Variants in TMEM117 observed in about 807,000 individuals in gnomAD.
TMEM117 encodes the protein transmembrane protein 117.
Under a neutral mutation model 52.4 loss-of-function variants are expected in TMEM117, and 27 were observed. The observed-to-expected ratio is 0.51, with a 90% CI of 0.38 to 0.71. The LOEUF (loss-of-function observed/expected upper bound fraction) is 0.71, where lower values mean the gene tolerates loss of function less well. TMEM117 is among the 30% of genes least tolerant of loss of function. The pLI is 0.00. For missense variants in TMEM117, 556 were observed against 630.5 expected (o/e 0.88, Z 1.26); for synonymous variants, 215 against 206.3 (o/e 1.04, Z -0.36).
At position 44,196,796 on chromosome 12, in the gene TMEM117, A is replaced by C. The variant is rs897126660; in HGVS notation, c.511-14494A>C. Among the ~76,000 whole-genome samples, 13 of 152,342 alleles carry C rather than the reference A, an allele frequency of 8.5e-5. No individual in the cohort carries two copies. The South Asian group carries it at 2.1e-3, about 24-fold the overall frequency. On this transcript the variant is annotated intron_variant, in intron 4 of 7. Coordinates refer to ENST00000266534, the MANE Select transcript of TMEM117 (RefSeq NM_032256.3). ...GCTTTCAAGCAACAATAAAATATAG[A>C]AGCAGTGCTTACTCAAACTTACAAA...
chr12:44,150,961 A>C (rs1948713137), intron 4 of TMEM117, among the ~76,000 whole-genome samples: 1 of 152,174 alleles, frequency 6.6e-6, no homozygotes, highest in Admixed American at 6.6e-5. Context: ...TGCCCATCAA[A>C]ATATCAAATA....
chr12:43,888,582 C>CT (rs1944043138), intron 2 of TMEM117, among the ~76,000 whole-genome samples: 1 of 133,082 alleles, frequency 7.5e-6, no homozygotes, highest in Non-Finnish European at 1.5e-5. Flanking sequence ...GAGTCTTGCT[C>CT]TATCACCCAG....
chr12:43,805,939 C>A, the TMEM117 span: 2 of 1,529,386 alleles, frequency 1.3e-6, no homozygotes, highest in East Asian at 2.6e-5. Flanking sequence ...GTGGAAGGCA[C>A]GCCCCCTTCA....
At chr12:44,384,091 C>T (rs1952056736) in intron 7 of TMEM117, among the ~76,000 whole-genome samples, 1 of 152,100 alleles carries the variant, frequency 6.6e-6, no homozygotes, top group East Asian at 1.9e-4. Context: ...TCTGCTTTGC[C>T]ACATCTGATA....
At chr12:44,279,144 A>G (rs1950548990) in intron 5 of TMEM117, among the ~76,000 whole-genome samples, 1 of 152,240 alleles carries the variant, frequency 6.6e-6, no homozygotes, top group African/African-American at 2.4e-5. Context: ...TAAGGAAATG[A>G]TAAAGTCAAA....
intron 2 of TMEM117, among the ~76,000 whole-genome samples, chr12:43,885,957 A>T (rs1943986183): frequency 6.6e-6 from 1 of 152,212 alleles, no homozygotes; most frequent in South Asian, 2.1e-4. Context: ...GAGCACAGAT[A>T]ATTACAACTA....
intron 4 of TMEM117, among the ~76,000 whole-genome samples, chr12:44,173,869 A>T (rs973487022): frequency 7.2e-5 from 11 of 152,054 alleles, no homozygotes. Flanking sequence ...TTTTCTTTAC[A>T]CTTAAATACC....
chr12:44,201,719 C>T (rs574522192), intron 4 of TMEM117, among the ~76,000 whole-genome samples: 56 of 152,256 alleles, frequency 3.7e-4, no homozygotes, highest in African/African-American at 1.3e-3. Context: ...TAATTTTAAA[C>T]TCAGCCTAAT....
rs151213535 is a variant in TMEM117 at position 43,920,313 on chromosome 12, C to G, written c.278-23897C>G. The stretch of plus-strand genomic sequence containing the variant: ...TGCCGAGGCGGGCGGATCACGAGGT[C>G]AGAAGATCAAGACCACGGTGAAACC... On this transcript the variant is annotated intron_variant, in intron 2 of 7. Coordinates refer to ENST00000266534, the MANE Select transcript of TMEM117 (RefSeq NM_032256.3). 7.0e-3 allele frequency among the ~76,000 whole-genome samples: 1,063 copies of G among 152,164 alleles called. 10 individuals are homozygous for G. The highest frequency in any genetic ancestry group is 0.023 in the African/African-American group (959 of 41,530).
At chr12:43,933,922 A>G (rs1437052974) in intron 2 of TMEM117, among the ~76,000 whole-genome samples, 1 of 152,228 alleles carries the variant, frequency 6.6e-6, no homozygotes, top group Admixed American at 6.5e-5. Context: ...TTTTACTTGA[A>G]TTATAAAAAT....
intron 7 of TMEM117, among the ~76,000 whole-genome samples, chr12:44,383,927 C>T (rs1048844107): frequency 6.6e-6 from 1 of 152,032 alleles, no homozygotes; most frequent in African/African-American, 2.4e-5. Context: ...TTTTCTGGCC[C>T]AGCATAAAAC....
At chr12:44,325,475 T>C (rs928790052) in intron 6 of TMEM117, among the ~76,000 whole-genome samples, 49 of 151,418 alleles carry the variant, frequency 3.2e-4, no homozygotes, top group Admixed American at 2.6e-4. Context: ...GGAGATATTT[T>C]TTCTCAACTA....
chr12:44,050,780 C>A (rs1444913134), intron 3 of TMEM117, among the ~76,000 whole-genome samples: 1 of 152,176 alleles, frequency 6.6e-6, no homozygotes, highest in Non-Finnish European at 1.5e-5. Context: ...TGTCTGTCAA[C>A]TTTTGTTTCA....
chr12:44,128,625 G>T (rs1948365663), intron 3 of TMEM117, among the ~76,000 whole-genome samples: 1 of 152,086 alleles, frequency 6.6e-6, no homozygotes, highest in Non-Finnish European at 1.5e-5. Flanking sequence ...TTCAGGGCTG[G>T]GTATGCTCCT....
chr12:44,327,300 T>G (rs1951209185), intron 6 of TMEM117, among the ~76,000 whole-genome samples: 1 of 152,204 alleles, frequency 6.6e-6, no homozygotes, highest in Non-Finnish European at 1.5e-5. Context: ...TAAAACTATC[T>G]TTGGTAATAC....
At position 44,001,212 on chromosome 12, in the gene TMEM117, T is replaced by C. The variant is rs539844549; in HGVS notation, c.410+56870T>C. Among the ~76,000 whole-genome samples, 24 of 152,306 alleles carry C rather than the reference T, an allele frequency of 1.6e-4. No individual in the cohort carries two copies. The South Asian group carries it at 4.6e-3, about 29-fold the overall frequency. Reference sequence around the variant, plus strand: ...CAATTGGATGAAAATAAGGTACATATTAAGTTCACATTTAACCCTAAAATG... The same window carrying C: ...CAATTGGATGAAAATAAGGTACATACTAAGTTCACATTTAACCCTAAAATG... On this transcript the variant is annotated intron_variant, in intron 3 of 7. Transcript: ENST00000266534.
rs776458183 is a variant in TMEM117 at position 43,944,315 on chromosome 12, C to T, written c.383C>T (p.Thr128Met). 2.7e-5 allele frequency: 43 copies of T among 1,612,212 alleles called. No individual in the cohort carries two copies. Among genetic ancestry groups the T allele is most frequent in the Admixed American group, 5.0e-5 (3 of 59,918 alleles). ...TTCATATTTTCTCACATATACAACA[C>T]GATTCTTCTAATGGATGGGAACATG... ...FLFIFSHIYN[T>M]ILLMDGNMGA... The change falls in exon 3 of 8, where the codon ACG (threonine) becomes ATG (methionine). Residue 128 changes from threonine (T) to methionine (M), a missense_variant. Physicochemically the swap from Thr to Met is moderately conservative, Grantham distance 81. This residue lies in a region of TMEM117 where 328 missense variants were observed against 371.4 expected (regional missense o/e 0.88). Coordinates refer to ENST00000266534, the MANE Select transcript of TMEM117 (RefSeq NM_032256.3).
chr12:44,099,199 A>G (rs1349736363), intron 3 of TMEM117, among the ~76,000 whole-genome samples: 5 of 152,076 alleles, frequency 3.3e-5, no homozygotes, highest in Admixed American at 6.6e-5. Context: ...CTTTAACAAA[A>G]TAGCAACCTC....
intron 2 of TMEM117, among the ~76,000 whole-genome samples, chr12:43,845,230 G>A (rs753541928): frequency 2.3e-4 from 35 of 152,080 alleles, no homozygotes; most frequent in Non-Finnish European, 3.1e-4. Flanking sequence ...GGAGGCCAAG[G>A]TGGGCAGATC....
Sources: allele counts gnomAD v4.1 joint callset (sites outside exome capture counted in the v4.1 genomes callset), GRCh38; gene constraint gnomAD v4.1.1; regional missense constraint gnomAD v4.1.1; transcripts MANE v1.5; gene names NCBI Gene and HGNC (gene_info 2026-07-23, HGNC 2026-07-21).